Variants in OSBPL10 observed in about 807,000 individuals in gnomAD.
OSBPL10 encodes the protein oxysterol-binding protein-related protein 10.
Under a neutral mutation model 81.7 loss-of-function variants are expected in OSBPL10, and 49 were observed. The observed-to-expected ratio is 0.60, with a 90% CI of 0.48 to 0.76. OSBPL10 has a LOEUF of 0.76. OSBPL10 is among the 30% of genes least tolerant of loss of function. OSBPL10 has a pLI of 0.00. For synonymous variants in OSBPL10, 419 were observed against 383.6 expected (o/e 1.09, Z -1.08); for missense variants, 923 against 987.8 (o/e 0.93, Z 0.88).
intron 1 of OSBPL10, among the ~76,000 whole-genome samples, chr3:31,916,568 C>A (rs548207999): frequency 6.6e-6 from 1 of 152,186 alleles, no homozygotes; most frequent in African/African-American, 2.4e-5. Context: ...ATCACCCACC[C>A]CCACAAATGA....
At chr3:31,838,622 C>CT (rs1384729481) in intron 3 of OSBPL10, among the ~76,000 whole-genome samples, 65 of 151,902 alleles carry the variant, frequency 4.3e-4, no homozygotes, top group African/African-American at 1.6e-3. Flanking sequence ...GGATTCACAG[C>CT]CTCACTTGAG....
At chr3:31,850,877 A>G (rs1325003808) in intron 3 of OSBPL10, among the ~76,000 whole-genome samples, 3 of 152,240 alleles carry the variant, frequency 2.0e-5, no homozygotes, top group African/African-American at 4.8e-5. Context: ...GCTCAAGGTC[A>G]AGGCCAATGA....
At chr3:31,995,401 A>G (rs1157262463) in intron 2 of OSBPL10, among the ~76,000 whole-genome samples, 2 of 152,204 alleles carry the variant, frequency 1.3e-5, no homozygotes, top group Non-Finnish European at 2.9e-5. Flanking sequence ...ATTTAGCGAT[A>G]TCTTCCCTAT....
chr3:32,061,219 A>C, intron 1 of OSBPL10, among the ~76,000 whole-genome samples: 1 of 90,256 alleles, frequency 1.1e-5, no homozygotes, highest in Admixed American at 1.4e-4. Flanking sequence ...CTCCCCTCTC[A>C]CCTTATTGTA....
chr3:31,672,446 G>T (rs555194922), intron 8 of OSBPL10, among the ~76,000 whole-genome samples: 5 of 147,516 alleles, frequency 3.4e-5, no homozygotes, highest in African/African-American at 1.3e-4. Context: ...AGGAAGGGGG[G>T]TGGGAGTGCG....
chr3:31,684,326 G>A (rs557379644), intron 7 of OSBPL10, among the ~76,000 whole-genome samples: 80 of 152,300 alleles, frequency 5.3e-4, no homozygotes, highest in Admixed American at 7.8e-4. Flanking sequence ...CCAGCTTTGT[G>A]GACAAGACTG....
chr3:32,014,938 A>G (rs1314325203), intron 2 of OSBPL10, among the ~76,000 whole-genome samples: 1 of 152,210 alleles, frequency 6.6e-6, no homozygotes, highest in Non-Finnish European at 1.5e-5. Context: ...GCTCAAGGAA[A>G]TAAAAGAGGA....
intron 3 of OSBPL10, among the ~76,000 whole-genome samples, chr3:31,860,559 GCCA>G (rs1173522362): frequency 1.4e-4 from 22 of 152,130 alleles, no homozygotes; most frequent in Admixed American, 1.2e-3. Flanking sequence ...CTCCACCGTT[GCCA>G]CCACATCTTA....
In OSBPL10 at chr3:31,668,650, C is replaced by G. The variant is rs1265358608; in HGVS notation, c.2088G>C (p.Met696Ile). The change falls in exon 10 of 12, where the codon ATG becomes ATC. Residue 696 changes from methionine to isoleucine, a missense_variant. Met to Ile is a conservative substitution (Grantham distance 10). Transcript: ENST00000396556. ...CACAGCCCGGTTCTCACCTGGACTC[C>G]ATGGGTCCCTGCTTCTCAAGAGGTC... ...KIRPLEKQGP[M>I]ESRNLWREVT... The G allele has an allele frequency of 2.5e-6, 4 of 1,612,724 alleles. No individual in the cohort carries two copies. Among genetic ancestry groups the G allele is most frequent in the African/African-American group, 1.3e-5 (1 of 74,894 alleles).
chr3:31,934,718 T>A (rs1428252702), intron 1 of OSBPL10, among the ~76,000 whole-genome samples: 1 of 152,176 alleles, frequency 6.6e-6, no homozygotes, highest in African/African-American at 2.4e-5. Flanking sequence ...ATTACTACAT[T>A]TCTATTCATA....
chr3:32,038,840 C>A (rs1444977484), intron 2 of OSBPL10, among the ~76,000 whole-genome samples: 1 of 152,076 alleles, frequency 6.6e-6, no homozygotes, highest in African/African-American at 2.4e-5. Context: ...AAAATTATAA[C>A]CTAATAAAGC....
chr3:31,810,357 G>T lies in OSBPL10; in HGVS notation c.729+19683C>A, dbSNP rs186967146. On this transcript the variant is annotated intron_variant, in intron 4 of 11. Coordinates refer to ENST00000396556, the MANE Select transcript of OSBPL10 (RefSeq NM_017784.5). Reference sequence around the variant, plus strand: ...ATATGTAATATGTCTCAATAAAGCTGCTTTTAAAAGGAGACCATACCATTA... The same window carrying T: ...ATATGTAATATGTCTCAATAAAGCTTCTTTTAAAAGGAGACCATACCATTA... 3.9e-3 allele frequency among the ~76,000 whole-genome samples: 592 copies of T among 152,128 alleles called. 12 individuals carry two copies. The highest frequency in any genetic ancestry group is 0.036 in the South Asian group (174 of 4,814).
chr3:31,887,286 A>G (rs1181642484), intron 1 of OSBPL10, among the ~76,000 whole-genome samples: 5 of 152,228 alleles, frequency 3.3e-5, no homozygotes, highest in Admixed American at 6.5e-5. Context: ...AACTCAGGAA[A>G]AGTCAGCAAA....
chr3:31,819,240 G>A (rs1055326202), intron 4 of OSBPL10, among the ~76,000 whole-genome samples: 9 of 152,214 alleles, frequency 5.9e-5, no homozygotes, highest in Non-Finnish European at 5.9e-5. Context: ...CAAACTAGAA[G>A]GGTGACGATG....
At chr3:31,903,475 A>G (rs905962670) in intron 1 of OSBPL10, among the ~76,000 whole-genome samples, 1 of 151,934 alleles carries the variant, frequency 6.6e-6, no homozygotes, top group Non-Finnish European at 1.5e-5. Flanking sequence ...ACCACAGGCC[A>G]TACCACACCA....
chr3:31,734,104 C>T (rs1178663744), intron 5 of OSBPL10, among the ~76,000 whole-genome samples: 1 of 152,124 alleles, frequency 6.6e-6, no homozygotes, highest in Non-Finnish European at 1.5e-5. Context: ...CTAAGTGACA[C>T]AATGGCCATG....
At chr3:32,075,322 T>C (rs1443154878) in intron 1 of OSBPL10, among the ~76,000 whole-genome samples, 1 of 152,166 alleles carries the variant, frequency 6.6e-6, no homozygotes, top group African/African-American at 2.4e-5. Flanking sequence ...TCTGGTCTGG[T>C]ATATGACAAC....
chr3:32,056,527 T>C (rs112818932), intron 1 of OSBPL10, among the ~76,000 whole-genome samples: 4 of 152,244 alleles, frequency 2.6e-5, no homozygotes, highest in African/African-American at 7.2e-5. Flanking sequence ...AAATTGAACA[T>C]TTTAATCTTC....
chr3:31,887,165 G>A (rs1695758718), intron 1 of OSBPL10, among the ~76,000 whole-genome samples: 1 of 152,082 alleles, frequency 6.6e-6, no homozygotes, highest in African/African-American at 2.4e-5. Context: ...TGATTCTTGA[G>A]GTTTCAGTAG....
Sources: allele counts gnomAD v4.1 joint callset (sites outside exome capture counted in the v4.1 genomes callset), GRCh38; gene constraint gnomAD v4.1.1; transcripts MANE v1.5; gene names NCBI Gene and HGNC (gene_info 2026-07-23, HGNC 2026-07-21).